MGAT4C: variants seen among roughly 807,000 people sequenced by gnomAD.
MGAT4C encodes the protein MGAT4 family member C, also known as alpha-1,3-mannosyl-glycoprotein 4-beta-N-acetylglucosaminyltransferase C.
A neutral mutation model predicts 40.1 loss-of-function variants in MGAT4C; 19 were observed. The observed-to-expected ratio is 0.47, with a 90% CI of 0.33 to 0.70. MGAT4C has a LOEUF of 0.70. MGAT4C is among the 30% of genes least tolerant of loss of function. MGAT4C has a pLI of 0.02. For synonymous variants in MGAT4C, 181 were observed against 187.1 expected, an observed-to-expected ratio of 0.97 and a Z score of 0.27; for missense variants, 491 against 563.2, an observed-to-expected ratio of 0.87 and a Z score of 1.30.
intron 1 of MGAT4C, among the ~76,000 whole-genome samples, chr12:86,217,748 G>T (rs1005291113): frequency 6.6e-6 from 1 of 152,066 alleles, no homozygotes; most frequent in East Asian, 1.9e-4. Flanking sequence ...TGTGCTTTTG[G>T]TAAGAAAAAG....
At chr12:86,446,746 T>C (rs1356503693) in intron 2 of MGAT4C, among the ~76,000 whole-genome samples, 2 of 138,884 alleles carry the variant, frequency 1.4e-5, no homozygotes, top group Non-Finnish European at 3.1e-5. Flanking sequence ...GATTTCACAA[T>C]TGCAATGAAA....
At chr12:86,353,823 T>C (rs757447173) in intron 3 of MGAT4C, among the ~76,000 whole-genome samples, 107 of 152,156 alleles carry the variant, frequency 7.0e-4, no homozygotes, top group Non-Finnish European at 1.2e-3. Flanking sequence ...TTCTCTTCTC[T>C]TACTGCTTTG....
chr12:86,416,338 T>C (rs1565746622), intron 3 of MGAT4C, among the ~76,000 whole-genome samples: 1 of 152,114 alleles, frequency 6.6e-6, no homozygotes, highest in Non-Finnish European at 1.5e-5. Flanking sequence ...AATCAGTATT[T>C]GATTTAATTA....
At position 86,326,651 on chromosome 12, in the gene MGAT4C, A is replaced by C. The variant is rs146722701; in HGVS notation, c.-57+7414T>G. Among the ~76,000 whole-genome samples, 947 of 152,130 alleles carry C rather than the reference A, an allele frequency of 6.2e-3. 10 individuals carry two copies. Among genetic ancestry groups the C allele is most frequent in the African/African-American group, 0.022 (906 of 41,546 alleles). ...ATCATATTTTATGTCACAAAAGGGAAATTTTGTGTTTGTAAAACAAATATA... is the reference window on the plus strand; with the variant it reads ...ATCATATTTTATGTCACAAAAGGGACATTTTGTGTTTGTAAAACAAATATA... On this transcript the variant is annotated intron_variant, in intron 4 of 7. Coordinates refer to the MGAT4C transcript ENST00000548651.
intron 1 of MGAT4C, among the ~76,000 whole-genome samples, chr12:86,114,164 G>A (rs1877944899): frequency 6.6e-6 from 1 of 151,806 alleles, no homozygotes; most frequent in African/African-American, 2.4e-5. Flanking sequence ...TGATTTTTGT[G>A]TATTTTTATT....
intron 2 of MGAT4C, among the ~76,000 whole-genome samples, chr12:86,504,833 C>T (rs1204666895): frequency 2.6e-5 from 4 of 152,096 alleles, no homozygotes; most frequent in Non-Finnish European, 5.9e-5. Context: ...ACTACAGGTG[C>T]TCATGTTGGT....
intron 2 of MGAT4C, among the ~76,000 whole-genome samples, chr12:86,564,646 G>A (rs1960011461): frequency 6.6e-6 from 1 of 152,208 alleles, no homozygotes; most frequent in African/African-American, 2.4e-5. Flanking sequence ...AGGGCCTGTT[G>A]AGATATTCCT....
At chr12:86,177,968 A>C (rs1240452379) in intron 1 of MGAT4C, among the ~76,000 whole-genome samples, 1 of 151,980 alleles carries the variant, frequency 6.6e-6, no homozygotes, top group Non-Finnish European at 1.5e-5. Flanking sequence ...ACAGAGTCTC[A>C]CTCTGTCACC....
At chr12:86,750,795 C>G (rs1951221560) in intron 1 of MGAT4C, among the ~76,000 whole-genome samples, 1 of 151,898 alleles carries the variant, frequency 6.6e-6, no homozygotes, top group South Asian at 2.1e-4. Flanking sequence ...ATTTTACCAA[C>G]TCTAGTCAAC....
intron 2 of MGAT4C, among the ~76,000 whole-genome samples, chr12:86,480,911 C>G (rs1957927436): frequency 1.3e-5 from 2 of 151,590 alleles, no homozygotes; most frequent in South Asian, 4.1e-4. Context: ...TCCTTAATCA[C>G]ATCAGGACAT....
In MGAT4C at chr12:85,967,999, G is replaced by A. The variant is rs1456400527; in HGVS notation, c.*11290C>T. 1.3e-5 allele frequency: 2 copies of A among 151,960 alleles called. No homozygotes were observed. The highest frequency in any genetic ancestry group is 4.8e-5 in the African/African-American group (2 of 41,410). The allele number at this position is 151,960 out of a possible 1,614,324, so 9.4% of individuals were successfully genotyped here. On this transcript the variant is annotated 3_prime_UTR_variant, in exon 5 of 5. Coordinates refer to ENST00000611864, the MANE Select transcript of MGAT4C (RefSeq NM_001351288.2). Reference sequence around the variant, plus strand: ...CAAACCTTTTAAACACTTAGAGCAAGTCAATATGACTTGTTCTGTTTCAGC... The same window carrying A: ...CAAACCTTTTAAACACTTAGAGCAAATCAATATGACTTGTTCTGTTTCAGC...
chr12:86,713,775 G>A (rs1017168349), intron 2 of MGAT4C, among the ~76,000 whole-genome samples: 4 of 151,994 alleles, frequency 2.6e-5, no homozygotes, highest in Non-Finnish European at 5.9e-5. Flanking sequence ...AATAATTTTA[G>A]TAACTTTTCC....
chr12:86,656,138 C>T (rs1207035609), intron 2 of MGAT4C, among the ~76,000 whole-genome samples: 1 of 151,556 alleles, frequency 6.6e-6, no homozygotes, highest in Non-Finnish European at 1.5e-5. Flanking sequence ...ATTTAAGCTG[C>T]CTAAAAATAT....
intron 4 of MGAT4C, among the ~76,000 whole-genome samples, chr12:86,297,254 A>G (rs751535987): frequency 7.9e-5 from 12 of 152,322 alleles, no homozygotes; most frequent in Middle Eastern, 6.8e-3. Flanking sequence ...AATATTTAAG[A>G]ATCATAATAA....
intron 3 of MGAT4C, among the ~76,000 whole-genome samples, chr12:86,427,385 A>T (rs1025876182): frequency 1.3e-5 from 2 of 151,968 alleles, no homozygotes. Flanking sequence ...TTATAATTAT[A>T]GTATATATTT....
chr12:86,575,528 C>G (rs1478931446), intron 2 of MGAT4C, among the ~76,000 whole-genome samples: 1 of 151,874 alleles, frequency 6.6e-6, no homozygotes, highest in African/African-American at 2.4e-5. Context: ...CATGTTGTTG[C>G]AAATGATTGG....
intron 2 of MGAT4C, among the ~76,000 whole-genome samples, chr12:86,619,236 T>C (rs1962561206): frequency 2.6e-5 from 4 of 152,106 alleles, no homozygotes; most frequent in Admixed American, 2.0e-4. Context: ...TCTAGATATA[T>C]ATGTCTTGTT....
chr12:86,608,512 T>C (rs543332629), intron 2 of MGAT4C, among the ~76,000 whole-genome samples: 4 of 152,176 alleles, frequency 2.6e-5, no homozygotes, highest in East Asian at 3.9e-4. Flanking sequence ...CAGGAGTTTA[T>C]GGTGAGCCAT....
At chr12:86,518,245 T>A (rs1958731690) in intron 2 of MGAT4C, among the ~76,000 whole-genome samples, 1 of 152,164 alleles carries the variant, frequency 6.6e-6, no homozygotes, top group South Asian at 2.1e-4. Flanking sequence ...ACTTAACCAC[T>A]TTTGTTCTCC....
Sources: gnomAD v4.1 joint callset for allele counts (sites outside exome capture counted in the v4.1 genomes callset) on GRCh38, gnomAD v4.1.1 for gene constraint, MANE v1.5 for transcripts, NCBI Gene and HGNC (gene_info 2026-07-23, HGNC 2026-07-21) for gene names.